DNAH12: variants seen among roughly 807,000 people sequenced by gnomAD.
DNAH12 encodes axonemal beta dynein heavy chain 12.
In DNAH12, 285 loss-of-function variants were observed where a neutral mutation model predicts 371.5. That is an observed-to-expected ratio of 0.77 (90% CI 0.70 to 0.85). The LOEUF is 0.85. Ranked by LOEUF, DNAH12 falls within the 40% of genes least tolerant of loss-of-function variation. The pLI, the probability that DNAH12 is intolerant of heterozygous loss-of-function variation, is 0.00. For synonymous variants in DNAH12, 1,200 were observed against 1,213.0 expected, an observed-to-expected ratio of 0.99 and a Z score of 0.22; for missense variants, 3,611 against 3,689.4, an observed-to-expected ratio of 0.98 and a Z score of 0.55.
chr3:57,342,767 A>G (rs992407211), intron 60 of DNAH12, among the ~76,000 whole-genome samples: 2 of 152,042 alleles, frequency 1.3e-5, no homozygotes, highest in East Asian at 3.8e-4. Flanking sequence ...GAACAAAAAA[A>G]TCTAATTTTT....
chr3:57,367,872 T>C (rs1364509420), intron 56 of DNAH12, among the ~76,000 whole-genome samples, 174 bp downstream of exon 56: 1 of 152,234 alleles, frequency 6.6e-6, no homozygotes, highest in African/African-American at 2.4e-5. Context: ...TTAGAATACC[T>C]GGCTAAGGTT....
chr3:57,368,634 T>C (rs2063102109), intron 55 of DNAH12, among the ~76,000 whole-genome samples: 1 of 152,180 alleles, frequency 6.6e-6, no homozygotes, highest in African/African-American at 2.4e-5. Flanking sequence ...AATAATACTA[T>C]AAAATATTTG....
At chr3:57,353,043 G>A (rs1466242535) in intron 59 of DNAH12, among the ~76,000 whole-genome samples, 2 of 152,006 alleles carry the variant, frequency 1.3e-5, no homozygotes, top group Non-Finnish European at 1.5e-5. Flanking sequence ...GTGAGATCAC[G>A]TCACTGCACT....
rs74935015 is a variant in DNAH12 at position 57,323,736 on chromosome 3, T to C, written c.9979-117A>G. ...GAGCCTAATGGTCAAAAAAAGCATA[T>C]AGCATCATAGACAAAGCACTAATTT... On this transcript the variant is annotated intron_variant, in intron 62 of 73. Coordinates refer to ENST00000495027, the MANE Select transcript of DNAH12 (RefSeq NM_001366028.2). 3.2e-4 allele frequency: 343 copies of C among 1,063,840 alleles called. 1 individual carries two copies. The highest frequency in any genetic ancestry group is 6.1e-4 in the East Asian group (22 of 35,856). 65.9% of individuals were successfully genotyped at this position (1,063,840 alleles called of 1,614,324 possible). A position where few individuals can be genotyped will look rare whatever the true frequency, so the allele number is the denominator to read the frequency against.
intron 60 of DNAH12, among the ~76,000 whole-genome samples, chr3:57,337,339 A>C (rs1553654108): frequency 6.6e-6 from 1 of 151,696 alleles, no homozygotes. Context: ...GAGACCCTCT[A>C]TTTTAATAAT....
At chr3:57,474,578 G>A (rs148066194) in intron 13 of DNAH12, among the ~76,000 whole-genome samples, 2 of 152,172 alleles carry the variant, frequency 1.3e-5, no homozygotes, top group African/African-American at 4.8e-5. Flanking sequence ...TTTTAGGCAT[G>A]AGCCACTGTG....
intron 11 of DNAH12, among the ~76,000 whole-genome samples, chr3:57,492,093 T>C (rs2067147408): frequency 6.6e-6 from 1 of 151,960 alleles, no homozygotes; most frequent in South Asian, 2.1e-4. Context: ...GCCCAGGAAC[T>C]TGAAGCTGCA....
chr3:57,317,677 T>G (rs2061716198), intron 65 of DNAH12, among the ~76,000 whole-genome samples: 1 of 151,928 alleles, frequency 6.6e-6, no homozygotes, highest in South Asian at 2.1e-4. Context: ...TGATTTCAAT[T>G]TTTTTGGATA....
chr3:57,441,526 G>A (rs1269590532), intron 29 of DNAH12, among the ~76,000 whole-genome samples: 1 of 152,162 alleles, frequency 6.6e-6, no homozygotes, highest in Non-Finnish European at 1.5e-5. Context: ...ATATTTTCTG[G>A]CTGAGTACAG....
rs2153353236 is a variant in DNAH12 at position 57,405,730 on chromosome 3, T to C, written c.6499A>G (p.Thr2167Ala). 1.3e-6 allele frequency: 2 copies of C among 1,551,692 alleles called. No individual in the cohort carries two copies. The highest frequency in any genetic ancestry group is 1.7e-6 in the Non-Finnish European group (2 of 1,146,986). Residue 2167 changes from threonine (T) to alanine (A), a missense_variant, in exon 41 of 74, where the codon ACT becomes GCT. This residue lies in a region of DNAH12 where 2,266 missense variants were observed against 2,236.9 expected (regional missense o/e 1.01). Transcript: ENST00000495027. ...DDDRRWLFQLTKTVIKDHFKE... is the reference protein window; with the variant it reads ...DDDRRWLFQLAKTVIKDHFKE... Reference sequence around the variant, plus strand: ...AAATGGTCCTTTATAACAGTTTTAGTTAACTGGAACAGCCATCTTCGATCA... The same window carrying C: ...AAATGGTCCTTTATAACAGTTTTAGCTAACTGGAACAGCCATCTTCGATCA...
the DNAH12 span, among the ~76,000 whole-genome samples, chr3:57,554,892 C>A: frequency 2.6e-4 from 40 of 152,024 alleles, no homozygotes; most frequent in Non-Finnish European, 5.0e-4. Context: ...GCTGGGATTA[C>A]AGACGTGAGC....
intron 38 of DNAH12, among the ~76,000 whole-genome samples, chr3:57,414,200 A>G (rs1553683981): frequency 6.6e-6 from 1 of 152,216 alleles, no homozygotes; most frequent in East Asian, 1.9e-4. Flanking sequence ...AAACTTCACA[A>G]TCAACATCAT....
intron 29 of DNAH12, among the ~76,000 whole-genome samples, chr3:57,438,911 T>A (rs1323864174): frequency 2.1e-4 from 3 of 14,188 alleles, no homozygotes; most frequent in African/African-American, 5.6e-4. Flanking sequence ...TGAAACTCTG[T>A]CTCAGACAAA....
intron 60 of DNAH12, among the ~76,000 whole-genome samples, chr3:57,342,865 G>C (rs1192678619): frequency 6.6e-6 from 1 of 151,954 alleles, no homozygotes; most frequent in Middle Eastern, 3.2e-3. Context: ...TTTAGCCCAG[G>C]AGTGCGTGAC....
chr3:57,365,169 TGCA>T, intron 57 of DNAH12, among the ~76,000 whole-genome samples: 1 of 152,344 alleles, frequency 6.6e-6, no homozygotes, highest in East Asian at 1.9e-4. Context: ...GTATGTTCAC[TGCA>T]GCACTATTCA....
chr3:57,445,479 G>A, intron 27 of DNAH12, 60 bp from the exon 28 acceptor site: 1 of 1,354,564 alleles, frequency 7.4e-7, no homozygotes, highest in Non-Finnish European at 9.6e-7. Context: ...TTTAAGCTGA[G>A]CATAAGTATT....
At chr3:57,323,317 C>A (rs2061853244) in intron 63 of DNAH12, 57 bp from the exon 64 acceptor site, 1 of 1,515,818 alleles carries the variant, frequency 6.6e-7, no homozygotes, top group Non-Finnish European at 8.8e-7. Flanking sequence ...TAAAAAAGTG[C>A]CTTATGTATA....
At chr3:57,313,452 G>A (rs1373566444) in intron 66 of DNAH12, among the ~76,000 whole-genome samples, 1 of 152,110 alleles carries the variant, frequency 6.6e-6, no homozygotes, top group Non-Finnish European at 1.5e-5. Flanking sequence ...AGGAGTTTGA[G>A]ACAAGCCTGA....
intron 65 of DNAH12, among the ~76,000 whole-genome samples, chr3:57,314,987 CTG>C (rs1213380651): frequency 1.3e-5 from 2 of 152,120 alleles, no homozygotes; most frequent in African/African-American, 4.8e-5. Flanking sequence ...ATGCTTGAGA[CTG>C]TAAGTGCAGG....
Sources: allele counts gnomAD v4.1 joint callset (sites outside exome capture counted in the v4.1 genomes callset), GRCh38; gene constraint gnomAD v4.1.1; regional missense constraint gnomAD v4.1.1; transcripts MANE v1.5; gene names NCBI Gene and HGNC (gene_info 2026-07-23, HGNC 2026-07-21).